Variants in TMEM117 observed in about 807,000 individuals in gnomAD.
The protein encoded by TMEM117 is transmembrane protein 117.
TMEM117 carries 27 observed loss-of-function variants against 52.4 expected under a neutral mutation model. That is an observed-to-expected ratio of 0.51 (90% CI 0.38 to 0.71). The LOEUF is 0.71. TMEM117 is among the 30% of genes least tolerant of loss of function. TMEM117 has a pLI of 0.00. For missense variants in TMEM117, 556 were observed against 630.5 expected, an observed-to-expected ratio of 0.88 and a Z score of 1.26; for synonymous variants, 215 against 206.3, an observed-to-expected ratio of 1.04 and a Z score of -0.36.
At chr12:43,965,308 T>A (rs183101173) in intron 3 of TMEM117, among the ~76,000 whole-genome samples, 57 of 152,304 alleles carry the variant, frequency 3.7e-4, no homozygotes, top group African/African-American at 1.3e-3. Context: ...GCCCCACACA[T>A]CACATGCATT....
At chr12:43,865,976 G>C (rs1026000655) in intron 2 of TMEM117, among the ~76,000 whole-genome samples, 1 of 151,784 alleles carries the variant, frequency 6.6e-6, no homozygotes, top group Non-Finnish European at 1.5e-5. Context: ...AGGACAGTGT[G>C]ACCCATAGTC....
intron 2 of TMEM117, among the ~76,000 whole-genome samples, chr12:43,912,783 C>T (rs1191644734): frequency 6.6e-6 from 1 of 151,368 alleles, no homozygotes. Flanking sequence ...ATGCATGTAC[C>T]CCAAGAAAAT....
At chr12:44,296,217 A>G (rs1448149004) in intron 5 of TMEM117, among the ~76,000 whole-genome samples, 1 of 152,180 alleles carries the variant, frequency 6.6e-6, no homozygotes, top group African/African-American at 2.4e-5. Context: ...ATTACCAGGT[A>G]TACTATTCGG....
chr12:43,809,046 C>G, the TMEM117 span, among the ~76,000 whole-genome samples: 1 of 152,108 alleles, frequency 6.6e-6, no homozygotes, highest in South Asian at 2.1e-4. Context: ...GACTTCTGAC[C>G]TAGATCATCT....
chr12:44,081,716 T>C (rs1947484091), intron 3 of TMEM117, among the ~76,000 whole-genome samples: 3 of 152,078 alleles, frequency 2.0e-5, no homozygotes, highest in African/African-American at 7.2e-5. Context: ...GAGACTGAAG[T>C]AAGTCCAACA....
chr12:44,270,543 G>A (rs1157516490), intron 5 of TMEM117, among the ~76,000 whole-genome samples: 4 of 152,024 alleles, frequency 2.6e-5, no homozygotes, highest in African/African-American at 9.7e-5. Context: ...CCAGGTATAC[G>A]ATCATATCAT....
At chr12:44,362,662 C>T (rs771518503) in intron 6 of TMEM117, among the ~76,000 whole-genome samples, 1 of 150,902 alleles carries the variant, frequency 6.6e-6, no homozygotes, top group Non-Finnish European at 1.5e-5. Flanking sequence ...ATGGTAAAGG[C>T]AAGATCTATT....
chr12:44,372,596 G>GA (rs34063350), intron 6 of TMEM117, among the ~76,000 whole-genome samples: 4,633 of 134,738 alleles, frequency 0.034, 164 homozygotes, highest in African/African-American at 0.091. Context: ...TCCCTGTGAT[G>GA]AAAAAAAAAA....
chr12:43,897,422 C>T (rs889463597), intron 2 of TMEM117, among the ~76,000 whole-genome samples: 1 of 151,412 alleles, frequency 6.6e-6, no homozygotes, highest in African/African-American at 2.4e-5. Context: ...AGTGATTCTC[C>T]TGCCTCAGTC....
intron 3 of TMEM117, among the ~76,000 whole-genome samples, chr12:44,070,952 G>A (rs1002500033): frequency 6.6e-6 from 1 of 152,146 alleles, no homozygotes; most frequent in Non-Finnish European, 1.5e-5. Context: ...GAGGGAAGAG[G>A]CAGATTCATC....
chr12:44,348,609 A>G (rs967457855), intron 6 of TMEM117, among the ~76,000 whole-genome samples: 2 of 151,976 alleles, frequency 1.3e-5, no homozygotes, highest in African/African-American at 4.8e-5. Context: ...ATAGCTCTTG[A>G]ATTTTTTCTT....
intron 3 of TMEM117, among the ~76,000 whole-genome samples, chr12:43,962,848 A>T (rs1267114010): frequency 1.3e-5 from 2 of 152,062 alleles, no homozygotes; most frequent in Non-Finnish European, 2.9e-5. Context: ...GAATGGTGTG[A>T]ACCCAGGAGG....
chr12:43,926,712 C>T (rs551532471), intron 2 of TMEM117, among the ~76,000 whole-genome samples: 11 of 152,166 alleles, frequency 7.2e-5, no homozygotes, highest in Middle Eastern at 3.4e-3. Context: ...TTTCATACTT[C>T]TTTAATCATT....
At chr12:44,169,305 C>A (rs1949012278) in intron 4 of TMEM117, among the ~76,000 whole-genome samples, 2 of 152,316 alleles carry the variant, frequency 1.3e-5, no homozygotes, top group South Asian at 4.1e-4. Flanking sequence ...ACAATTGCTA[C>A]CAGCAATGCA....
chr12:44,262,769 A>G (rs924196804), intron 5 of TMEM117, among the ~76,000 whole-genome samples: 3 of 152,152 alleles, frequency 2.0e-5, no homozygotes, highest in African/African-American at 7.2e-5. Flanking sequence ...TTGTATTTTT[A>G]GTAGAGATGG....
intron 6 of TMEM117, among the ~76,000 whole-genome samples, chr12:44,358,418 G>A (rs969861015): frequency 6.6e-6 from 1 of 152,124 alleles, no homozygotes; most frequent in Non-Finnish European, 1.5e-5. Flanking sequence ...AGGATGGTTG[G>A]CCACTTGTGA....
chr12:44,193,430 A>G (rs1344152917), intron 4 of TMEM117, among the ~76,000 whole-genome samples: 1 of 152,228 alleles, frequency 6.6e-6, no homozygotes, highest in Admixed American at 6.5e-5. Flanking sequence ...CAGACAGGTA[A>G]TGAGTAGGAC....
intron 4 of TMEM117, among the ~76,000 whole-genome samples, chr12:44,146,808 A>T (rs112152887): frequency 2.0e-5 from 3 of 152,358 alleles, no homozygotes; most frequent in African/African-American, 7.2e-5. Flanking sequence ...ATGGAAAAGC[A>T]ACTATTTACA....
intron 3 of TMEM117, among the ~76,000 whole-genome samples, chr12:44,117,416 A>G (rs903403219): frequency 1.3e-5 from 2 of 152,042 alleles, no homozygotes; most frequent in Non-Finnish European, 2.9e-5. Context: ...AGCTATTGCA[A>G]TGCCTTTCAC....
Sources: gnomAD v4.1 joint callset for allele counts (sites outside exome capture counted in the v4.1 genomes callset) on GRCh38, gnomAD v4.1.1 for gene constraint, MANE v1.5 for transcripts, NCBI Gene and HGNC (gene_info 2026-07-23, HGNC 2026-07-21) for gene names.